The following CCDC91 variants were observed in gnomAD, a reference collection of about 807,000 sequenced individuals.
CCDC91 encodes coiled-coil domain-containing protein 91.
Under a neutral mutation model 63.2 loss-of-function variants are expected in CCDC91, and 48 were observed. The ratio of observed to expected loss-of-function variants is 0.76; its 90% CI spans 0.60 to 0.97. The LOEUF is 0.97. Ranked by LOEUF, CCDC91 falls within the 50% of genes least tolerant of loss-of-function variation. CCDC91 has a pLI of 0.00. For synonymous variants in CCDC91, 167 were observed against 165.8 expected, an observed-to-expected ratio of 1.01 and a Z score of -0.06; for missense variants, 500 against 494.6, an observed-to-expected ratio of 1.01 and a Z score of -0.10.
chr12:28,335,316 GTATAA>G (rs1016794129), intron 6 of CCDC91, among the ~76,000 whole-genome samples: 19 of 124,568 alleles, frequency 1.5e-4, no homozygotes, highest in South Asian at 1.2e-3. Context: ...TACATATTAT[GTATAA>G]TATAATATAT....
intron 12 of CCDC91, among the ~76,000 whole-genome samples, chr12:28,508,904 T>C (rs1005705839): frequency 1.3e-5 from 2 of 151,976 alleles, no homozygotes; most frequent in African/African-American, 4.8e-5. Flanking sequence ...GTTATTGATA[T>C]ACAGTGTATT....
At chr12:28,535,144 T>C (rs1468687461) in intron 12 of CCDC91, among the ~76,000 whole-genome samples, 3 of 152,208 alleles carry the variant, frequency 2.0e-5, no homozygotes, top group Non-Finnish European at 2.9e-5. Flanking sequence ...TAACAGATGT[T>C]TAATGTGTAT....
At chr12:28,454,215 T>C (rs1279823953) in intron 11 of CCDC91, among the ~76,000 whole-genome samples, 1 of 152,194 alleles carries the variant, frequency 6.6e-6, no homozygotes, top group Non-Finnish European at 1.5e-5. Context: ...ATTCCTTATT[T>C]ATTTTTCTTG....
chr12:28,242,389 A>G (rs1184622743), intron 1 of CCDC91, among the ~76,000 whole-genome samples: 1 of 152,236 alleles, frequency 6.6e-6, no homozygotes, highest in Non-Finnish European at 1.5e-5. Flanking sequence ...AGCCCTGACC[A>G]GGAAAGGAGT....
Position 28,375,333 on chromosome 12 carries a change from A to G in CCDC91, c.654+12818A>G, listed in dbSNP as rs138142013. Reference sequence around the variant, plus strand: ...ATTTTTTTAGTGTAGCAATTGCAATACTTTTTCATTATCTCATAGCTGATC... The same window carrying G: ...ATTTTTTTAGTGTAGCAATTGCAATGCTTTTTCATTATCTCATAGCTGATC... On this transcript the variant is annotated intron_variant, in intron 7 of 12. Coordinates refer to ENST00000536442, the MANE Select transcript of CCDC91 (RefSeq NM_018318.5). Among the ~76,000 whole-genome samples, 1,090 of 151,590 alleles carry G rather than the reference A, an allele frequency of 7.2e-3. 5 individuals carry two copies. Among genetic ancestry groups the G allele is most frequent in the Non-Finnish European group, 0.012 (804 of 67,828 alleles).
chr12:28,283,983 A>C (rs1264076267), intron 3 of CCDC91, among the ~76,000 whole-genome samples: 1 of 152,110 alleles, frequency 6.6e-6, no homozygotes, highest in African/African-American at 2.4e-5. Flanking sequence ...TTCAGCAGTG[A>C]GTGTGTTTGA....
intron 12 of CCDC91, among the ~76,000 whole-genome samples, chr12:28,515,316 T>G (rs1242953133): frequency 2.0e-5 from 3 of 151,888 alleles, no homozygotes; most frequent in Non-Finnish European, 4.4e-5. Context: ...AGGTACCTCC[T>G]ATTATTGGTT....
chr12:28,343,203 T>C lies in CCDC91; in HGVS notation c.577-19235T>C, dbSNP rs1026683864. Among the ~76,000 whole-genome samples, 151 of 150,674 alleles carry C rather than the reference T, an allele frequency of 1.0e-3. No individual in the cohort carries two copies. The East Asian group carries it at 0.023, about 22-fold the overall frequency. ...ACATTGACATATATTGTGTAATATA[T>C]ATATATATATATATATTCAAATACA... On this transcript the variant is annotated intron_variant, in intron 6 of 12. Transcript: ENST00000536442.
At chr12:28,455,531 A>G (rs1566001433) in intron 11 of CCDC91, among the ~76,000 whole-genome samples, 1 of 152,134 alleles carries the variant, frequency 6.6e-6, no homozygotes, top group Non-Finnish European at 1.5e-5. Flanking sequence ...AATCCCTCAA[A>G]TAAAGGGCAT....
chr12:28,400,300 A>T (rs2139482913), intron 8 of CCDC91, among the ~76,000 whole-genome samples: 1 of 152,230 alleles, frequency 6.6e-6, no homozygotes, highest in East Asian at 1.9e-4. Context: ...CTGGAGCTGA[A>T]GCAGCTGGGA....
intron 1 of CCDC91, among the ~76,000 whole-genome samples, chr12:28,194,968 G>A (rs140477469): frequency 6.6e-6 from 1 of 152,336 alleles, no homozygotes; most frequent in Non-Finnish European, 1.5e-5. Flanking sequence ...AGAGTGAGCA[G>A]CAGCAAGATT....
At chr12:28,357,420 T>C (rs1461688001) in intron 6 of CCDC91, among the ~76,000 whole-genome samples, 1 of 152,138 alleles carries the variant, frequency 6.6e-6, no homozygotes, top group African/African-American at 2.4e-5. Context: ...AAATTTCTGG[T>C]TAGCAGTAAT....
At chr12:28,431,466 T>A (rs2140088012) in intron 8 of CCDC91, among the ~76,000 whole-genome samples, 1 of 152,284 alleles carries the variant, frequency 6.6e-6, no homozygotes, top group Admixed American at 6.5e-5. Context: ...TGATGTCTAC[T>A]TTTGCCTAAA....
intron 7 of CCDC91, among the ~76,000 whole-genome samples, chr12:28,372,038 T>G (rs1944653997): frequency 6.6e-6 from 1 of 152,164 alleles, no homozygotes; most frequent in Admixed American, 6.5e-5. Context: ...GGAAATCCAG[T>G]TTTATTCTTC....
intron 1 of CCDC91, among the ~76,000 whole-genome samples, chr12:28,252,666 A>G (rs980785762): frequency 6.6e-6 from 1 of 151,954 alleles, no homozygotes; most frequent in Non-Finnish European, 1.5e-5. Context: ...CTTTCTGAAG[A>G]TACTATGGTT....
chr12:28,418,218 C>T (rs1947796990), intron 8 of CCDC91, among the ~76,000 whole-genome samples: 2 of 152,084 alleles, frequency 1.3e-5, no homozygotes, highest in Admixed American at 6.6e-5. Context: ...TTCTCAGCAG[C>T]TCTTGGCATT....
chr12:28,441,630 G>GTA (rs1444244914), intron 8 of CCDC91, among the ~76,000 whole-genome samples: 11 of 146,524 alleles, frequency 7.5e-5, no homozygotes, highest in East Asian at 2.0e-4. Context: ...TCTCATATGT[G>GTA]TATATATATC....
At chr12:28,362,590 C>A (rs1943974750) in intron 7 of CCDC91, 75 bp downstream of exon 7, 2 of 780,912 alleles carry the variant, frequency 2.6e-6, no homozygotes, top group African/African-American at 3.6e-5. Context: ...TAGGTATGTG[C>A]AAACATATAC....
At chr12:28,220,393 C>T (rs1178917591) in intron 1 of CCDC91, among the ~76,000 whole-genome samples, 2 of 151,994 alleles carry the variant, frequency 1.3e-5, no homozygotes, top group Non-Finnish European at 2.9e-5. Context: ...GCTTTTATTT[C>T]ATCTCTCATT....
Sources: allele counts gnomAD v4.1 joint callset (sites outside exome capture counted in the v4.1 genomes callset), GRCh38; gene constraint gnomAD v4.1.1; transcripts MANE v1.5; gene names NCBI Gene and HGNC (gene_info 2026-07-23, HGNC 2026-07-21).